PREX1: variants seen among roughly 807,000 people sequenced by gnomAD.
The protein encoded by PREX1 is phosphatidylinositol 3,4,5-trisphosphate-dependent Rac exchanger 1 protein.
In PREX1, 41 loss-of-function variants were observed where a neutral mutation model predicts 198.3. The ratio of observed to expected loss-of-function variants is 0.21; its 90% CI spans 0.16 to 0.27. The LOEUF is 0.27. PREX1 is among the 10% of genes least tolerant of loss of function. The pLI, the probability that PREX1 is intolerant of heterozygous loss-of-function variation, is 1.00. For synonymous variants in PREX1, 843 were observed against 887.2 expected (o/e 0.95, Z 0.89); for missense variants, 1,620 against 2,200.7 (o/e 0.74, Z 5.28).
At chr20:48,675,514 G>A (rs879574504) in intron 14 of PREX1, among the ~76,000 whole-genome samples, 1 of 152,168 alleles carries the variant, frequency 6.6e-6, no homozygotes, top group Non-Finnish European at 1.5e-5. Context: ...AAATGAGCCA[G>A]GCACAAAAGG....
At chr20:48,751,250 C>T (rs529774273) in intron 1 of PREX1, among the ~76,000 whole-genome samples, 5 of 152,168 alleles carry the variant, frequency 3.3e-5, no homozygotes, top group East Asian at 1.9e-4. Context: ...TTTAACAGGG[C>T]CTGGGATACT....
intron 5 of PREX1, among the ~76,000 whole-genome samples, chr20:48,714,979 A>G (rs2089955240): frequency 6.6e-6 from 1 of 152,238 alleles, no homozygotes; most frequent in Non-Finnish European, 1.5e-5. Context: ...AAGGTCTAAC[A>G]TGCGAAAGGA....
chr20:48,795,091 T>G (rs569621801), intron 1 of PREX1, among the ~76,000 whole-genome samples: 4 of 152,162 alleles, frequency 2.6e-5, no homozygotes, highest in Non-Finnish European at 5.9e-5. Context: ...ATGTATGTAT[T>G]TGATGACCGG....
At chr20:48,686,099 T>C (rs1249882362) in intron 10 of PREX1, among the ~76,000 whole-genome samples, 1 of 152,134 alleles carries the variant, frequency 6.6e-6, no homozygotes, top group Non-Finnish European at 1.5e-5. Flanking sequence ...GTGCCTCGGT[T>C]TCCTCACTTT....
chr20:48,785,858 G>C (rs575297043), intron 1 of PREX1, among the ~76,000 whole-genome samples: 8 of 152,194 alleles, frequency 5.3e-5, no homozygotes, highest in Non-Finnish European at 2.9e-5. Context: ...TGTGGCAGGC[G>C]GTGGAGACGG....
chr20:48,688,158 C>A (rs144966982), intron 10 of PREX1, among the ~76,000 whole-genome samples: 52 of 152,212 alleles, frequency 3.4e-4, no homozygotes, highest in African/African-American at 1.2e-3. Context: ...CCTTTGTAAT[C>A]AATTACCTGT....
At chr20:48,883,638 A>C in the PREX1 span, among the ~76,000 whole-genome samples, 1 of 152,138 alleles carries the variant, frequency 6.6e-6, no homozygotes, top group African/African-American at 2.4e-5. Flanking sequence ...AATTCATTTT[A>C]CAATAGCATC....
chr20:48,683,003 T>C (rs1034946278), intron 10 of PREX1, among the ~76,000 whole-genome samples: 3 of 152,196 alleles, frequency 2.0e-5, no homozygotes, highest in Non-Finnish European at 2.9e-5. Flanking sequence ...CAGAATGCCC[T>C]GGCTGGAGGC....
At chr20:48,764,241 G>A (rs2090197812) in intron 1 of PREX1, among the ~76,000 whole-genome samples, 1 of 152,172 alleles carries the variant, frequency 6.6e-6, no homozygotes, top group African/African-American at 2.4e-5. Context: ...AGAACTTGCA[G>A]GACAGAAAGG....
intron 3 of PREX1, among the ~76,000 whole-genome samples, chr20:48,743,167 T>C (rs1451518494): frequency 1.3e-5 from 2 of 152,152 alleles, no homozygotes; most frequent in African/African-American, 4.8e-5. Flanking sequence ...ACTGAGGCCC[T>C]GAGAGGTGAA....
the PREX1 span, among the ~76,000 whole-genome samples, chr20:48,847,782 C>T: frequency 2.0e-5 from 3 of 152,122 alleles, no homozygotes; most frequent in Non-Finnish European, 2.9e-5. Flanking sequence ...CCAGAAATTT[C>T]CCCCGGGTCC....
chr20:48,872,466 G>A, the PREX1 span, among the ~76,000 whole-genome samples: 14 of 152,156 alleles, frequency 9.2e-5, no homozygotes, highest in East Asian at 1.9e-4. Flanking sequence ...ATAAGTGGCC[G>A]GGATCGGCAG....
At chr20:48,851,633 A>G in the PREX1 span, among the ~76,000 whole-genome samples, 2 of 152,130 alleles carry the variant, frequency 1.3e-5, no homozygotes, top group Non-Finnish European at 2.9e-5. Context: ...CCCCTTTAGC[A>G]CTGGGAACCA....
chr20:48,886,790 G>A, the PREX1 span, among the ~76,000 whole-genome samples: 2 of 152,178 alleles, frequency 1.3e-5, no homozygotes, highest in African/African-American at 4.8e-5. Context: ...CCATGTTACG[G>A]ATGAAGAAAC....
At chr20:48,694,002 C>T (rs577204251) in intron 7 of PREX1, among the ~76,000 whole-genome samples, 22 of 152,154 alleles carry the variant, frequency 1.4e-4, no homozygotes, top group East Asian at 5.8e-4. Flanking sequence ...ACCTCCACCT[C>T]CCAGGTTCAA....
chr20:48,676,391 G>T, intron 13 of PREX1, 123 bp from the exon 14 acceptor site: 2 of 867,944 alleles, frequency 2.3e-6, no homozygotes, highest in Non-Finnish European at 3.8e-6. Flanking sequence ...TAGGCATTGG[G>T]CAGGGGTCCG....
chr20:48,870,153 T>C, the PREX1 span, among the ~76,000 whole-genome samples: 1 of 152,226 alleles, frequency 6.6e-6, no homozygotes, highest in Non-Finnish European at 1.5e-5. Context: ...ATTTGCCTAC[T>C]TGTCCCCTCA....
At chr20:48,741,871 C>G (rs1019719428) in intron 3 of PREX1, among the ~76,000 whole-genome samples, 2 of 152,148 alleles carry the variant, frequency 1.3e-5, no homozygotes, top group Admixed American at 1.3e-4. Context: ...TTGCCATGTT[C>G]TGGAACAGCG....
At chr20:48,828,564 C>G (rs2090524095), upstream of PREX1, among the ~76,000 whole-genome samples, 1 of 152,190 alleles carries the variant, frequency 6.6e-6, no homozygotes, top group African/African-American at 2.4e-5. Flanking sequence ...GCAGTGACGG[C>G]CCCTCCCGGG....
Sources: allele counts gnomAD v4.1 joint callset (sites outside exome capture counted in the v4.1 genomes callset), GRCh38; gene constraint gnomAD v4.1.1; transcripts MANE v1.5; gene names NCBI Gene and HGNC (gene_info 2026-07-23, HGNC 2026-07-21).